Variants in FRMPD4 observed in about 807,000 individuals in gnomAD.
The protein encoded by FRMPD4 is FERM and PDZ domain-containing protein 4.
Under a neutral mutation model 94.1 loss-of-function variants are expected in FRMPD4, and 22 were observed. That is an observed-to-expected ratio of 0.23 (90% CI 0.17 to 0.33). FRMPD4 has a LOEUF of 0.33. Among genes scored for constraint, FRMPD4 ranks in the 10% least tolerant of loss-of-function variants. The pLI, the probability that FRMPD4 is intolerant of heterozygous loss-of-function variation, is 1.00. For missense variants in FRMPD4, 1,111 were observed against 1,339.9 expected (o/e 0.83, Z 2.67); for synonymous variants, 631 against 548.6 (o/e 1.15, Z -2.10).
At chrX:12,283,634 CT>C (rs58266866) in intron 1 of FRMPD4, among the ~76,000 whole-genome samples, 20,002 of 101,114 alleles carry the variant, frequency 0.2, 2,244 homozygotes, top group African/African-American at 0.41. Context: ...AACCATTTTC[CT>C]TTTTTTTTTT....
chrX:12,164,993 G>T (rs1298007641), intron 1 of FRMPD4, among the ~76,000 whole-genome samples: 1 of 111,659 alleles, frequency 9.0e-6, no homozygotes, highest in Non-Finnish European at 1.9e-5. Context: ...CTCCCATTCT[G>T]TAGGTTGTCT....
intron 2 of FRMPD4, among the ~76,000 whole-genome samples, chrX:11,877,555 C>T (rs894006881): frequency 1.8e-5 from 2 of 112,103 alleles, no homozygotes; most frequent in African/African-American, 6.5e-5. Context: ...AGTCAGAGAT[C>T]TTGCTGTTGA....
At chrX:12,064,340 C>A (rs1183020332) in intron 3 of FRMPD4, among the ~76,000 whole-genome samples, 2 of 111,965 alleles carry the variant, frequency 1.8e-5, no homozygotes, top group Non-Finnish European at 3.8e-5. Context: ...GGATTTGAAC[C>A]AAATTTTGTG....
At chrX:12,293,230 C>A (rs1337158799) in intron 1 of FRMPD4, among the ~76,000 whole-genome samples, 3 of 112,293 alleles carry the variant, frequency 2.7e-5, no homozygotes, top group East Asian at 2.8e-4. Flanking sequence ...AGAAATAGTT[C>A]TGGCAAGTAG....
At chrX:12,076,038 T>A (rs1347293846) in intron 3 of FRMPD4, among the ~76,000 whole-genome samples, 1 of 112,044 alleles carries the variant, frequency 8.9e-6, no homozygotes, top group Non-Finnish European at 1.9e-5. Flanking sequence ...TTGTTTGTTT[T>A]GAAACATAGC....
intron 2 of FRMPD4, among the ~76,000 whole-genome samples, chrX:12,564,025 T>C (rs2058685924): frequency 8.9e-6 from 1 of 112,359 alleles, no homozygotes; most frequent in Non-Finnish European, 1.9e-5. Flanking sequence ...TGTCAGCAGA[T>C]CCAGTGTCTG....
At chrX:12,201,285 A>G (rs1042957806) in intron 1 of FRMPD4, among the ~76,000 whole-genome samples, 1 of 112,505 alleles carries the variant, frequency 8.9e-6, no homozygotes, top group African/African-American at 3.2e-5. Flanking sequence ...TTTTATAATC[A>G]GGAGGAAAAA....
intron 1 of FRMPD4, among the ~76,000 whole-genome samples, chrX:12,328,792 G>A (rs192423021): frequency 9.0e-6 from 1 of 111,535 alleles, no homozygotes; most frequent in East Asian, 2.8e-4. Flanking sequence ...CCACTTAGAA[G>A]CTGTGTGATC....
rs182525558 is a variant in FRMPD4, at chrX:12,689,333, A to G, written c.682-862A>G. On this transcript the variant is annotated intron_variant, in intron 7 of 16. Transcript: ENST00000675598. ...CTCATTCCACCTTCCCCAGAGATGT[A>G]AAATAAATATATGTATATTATTATG... Among the ~76,000 whole-genome samples the G allele has an allele frequency of 3.9e-4, 44 of 112,017 alleles. No homozygotes were observed. The East Asian group carries it at 0.012, about 31-fold the overall frequency.
chrX:12,293,483 C>G (rs1263013017), intron 1 of FRMPD4, among the ~76,000 whole-genome samples: 1 of 112,507 alleles, frequency 8.9e-6, no homozygotes, highest in Non-Finnish European at 1.9e-5. Context: ...CTTTGCTTTT[C>G]TTTAAATTGT....
At chrX:12,588,793 TAATTTA>T (rs1422695835) in intron 2 of FRMPD4, among the ~76,000 whole-genome samples, 1 of 112,828 alleles carries the variant, frequency 8.9e-6, no homozygotes, top group Non-Finnish European at 1.9e-5. Flanking sequence ...AAATGCCTCT[TAATTTA>T]AAATTCTTTT....
chrX:12,484,612 C>T (rs1029345184), intron 1 of FRMPD4, among the ~76,000 whole-genome samples: 8 of 111,869 alleles, frequency 7.2e-5, no homozygotes, highest in African/African-American at 2.6e-4. Flanking sequence ...GGTAATTTCA[C>T]TGTCCTCAAT....
intron 3 of FRMPD4, among the ~76,000 whole-genome samples, chrX:11,901,384 A>G (rs1450206321): frequency 1.8e-5 from 2 of 112,403 alleles, no homozygotes; most frequent in Non-Finnish European, 3.8e-5. Flanking sequence ...CTTCACTTAG[A>G]ATAATGGCCT....
chrX:11,961,480 A>G (rs753223649), intron 3 of FRMPD4, among the ~76,000 whole-genome samples: 2 of 112,177 alleles, frequency 1.8e-5, no homozygotes, highest in Non-Finnish European at 3.8e-5. Flanking sequence ...TTTCTTTGCT[A>G]AGATCTGTTT....
intron 1 of FRMPD4, among the ~76,000 whole-genome samples, chrX:12,410,955 T>C (rs1365556174): frequency 1.8e-5 from 2 of 111,881 alleles, no homozygotes; most frequent in Non-Finnish European, 3.8e-5. Flanking sequence ...ATAAGCAAAA[T>C]AGAATTGTTA....
At chrX:12,151,139 G>C (rs2055844543) in intron 1 of FRMPD4, among the ~76,000 whole-genome samples, 1 of 111,583 alleles carries the variant, frequency 9.0e-6, no homozygotes, top group African/African-American at 3.3e-5. Flanking sequence ...AGAAGGAAAT[G>C]CTCTATGGAG....
intron 1 of FRMPD4, among the ~76,000 whole-genome samples, chrX:12,276,287 G>A: frequency 8.9e-6 from 1 of 112,220 alleles, no homozygotes; most frequent in Non-Finnish European, 1.9e-5. Context: ...AAAGGACGAT[G>A]ACACAGTCCT....
At chrX:12,606,607 C>G (rs763632375) in intron 2 of FRMPD4, among the ~76,000 whole-genome samples, 1 of 111,384 alleles carries the variant, frequency 9.0e-6, no homozygotes, top group East Asian at 2.8e-4. Context: ...TTGCACCAAC[C>G]TCGGTTCTAA....
intron 2 of FRMPD4, among the ~76,000 whole-genome samples, chrX:12,586,811 C>A (rs2058932856): frequency 9.0e-6 from 1 of 111,492 alleles, no homozygotes; most frequent in African/African-American, 3.3e-5. Flanking sequence ...TGGAAAAGAT[C>A]ATGTGAATAA....
Sources: gnomAD v4.1 joint callset for allele counts (sites outside exome capture counted in the v4.1 genomes callset) on GRCh38, gnomAD v4.1.1 for gene constraint, MANE v1.5 for transcripts, NCBI Gene and HGNC (gene_info 2026-07-23, HGNC 2026-07-21) for gene names.